Variants in PCDHGA4 observed in about 807,000 individuals in gnomAD.
The protein encoded by PCDHGA4 is protocadherin gamma subfamily A, 4, also known as protocadherin gamma-A4.
PCDHGA4 carries 38 observed loss-of-function variants against 54.6 expected under a neutral mutation model. The ratio of observed to expected loss-of-function variants is 0.70; its 90% CI spans 0.54 to 0.91. PCDHGA4 has a LOEUF of 0.91. PCDHGA4 is among the 40% of genes least tolerant of loss of function. The pLI is 0.00. For missense variants in PCDHGA4, 1,298 were observed against 1,220.9 expected (o/e 1.06, Z -0.94); for synonymous variants, 511 against 512.9 (o/e 1.00, Z 0.05).
At chr5:141,463,460 T>TTC (rs573961569) in intron 1 of PCDHGA4, among the ~76,000 whole-genome samples, 28 of 136,126 alleles carry the variant, frequency 2.1e-4, no homozygotes, top group Admixed American at 4.4e-4. Context: ...TTTTTTTTTT[T>TTC]TTTTTTGAGA....
Position 141,431,518 on chromosome 5 carries a change from G to T in PCDHGA4, c.2515-63289G>T. 6.2e-7 allele frequency: 1 copy of T among 1,614,090 alleles called. No individual in the cohort carries two copies. Among genetic ancestry groups the T allele is most frequent in the Non-Finnish European group, 8.5e-7 (1 of 1,180,038 alleles). ...CCGAGTACCGCGCGAGCGTTCCGGA[G>T]AATCTGGCCTTGGGCACGCAGCTGC... On this transcript the variant is annotated intron_variant, in intron 1 of 3. Coordinates refer to ENST00000571252, the MANE Select transcript of PCDHGA4 (RefSeq NM_018917.4). The surrounding 1 kb of genome is among the most constrained non-coding windows in gnomAD (Gnocchi z 4.8).
intron 1 of PCDHGA4, among the ~76,000 whole-genome samples, chr5:141,425,025 T>C (rs1416166875): frequency 1.3e-5 from 2 of 152,236 alleles, no homozygotes; most frequent in Non-Finnish European, 2.9e-5. Flanking sequence ...ATTTACCTTA[T>C]GTCATTAGTT....
rs530261329 is a variant in PCDHGA4, at chr5:141,440,076, A to G, written c.2515-54731A>G. 2.4e-4 allele frequency: 37 copies of G among 152,560 alleles called. No individual in the cohort carries two copies. In the South Asian group the frequency reaches 3.7e-3, roughly 15 times the overall value. The allele number at this position is 152,560 out of a possible 1,614,324, so 9.5% of individuals were successfully genotyped here. On this transcript the variant is annotated intron_variant, in intron 1 of 3. Coordinates refer to ENST00000571252, the MANE Select transcript of PCDHGA4 (RefSeq NM_018917.4). Reference sequence around the variant, plus strand: ...CTTCGGGTTAATGCTGAGGAATAATACTTCATTCTAAGTGGGGAAAGTGGA... The same window carrying G: ...CTTCGGGTTAATGCTGAGGAATAATGCTTCATTCTAAGTGGGGAAAGTGGA...
chr5:141,410,206 G>T (rs774541712), intron 1 of PCDHGA4: 2 of 1,614,026 alleles, frequency 1.2e-6, no homozygotes, highest in South Asian at 1.1e-5. Context: ...CAGACAACTT[G>T]CAAGAGATAC....
In PCDHGA4 at chr5:141,432,212, G is replaced by T. The variant is rs2097468822; in HGVS notation, c.2515-62595G>T. 8 of 1,614,184 alleles carry T rather than the reference G, an allele frequency of 5.0e-6. No homozygotes were observed. In the East Asian group the frequency reaches 1.3e-4, roughly 27 times the overall value. ...CCACGACCCCGACTGTGAAGAGAAC[G>T]CCCAGATCACTTATTCCCTGGCTGA... On this transcript the variant is annotated intron_variant, in intron 1 of 3. Transcript: ENST00000571252. The surrounding 1 kb of genome is among the most constrained non-coding windows in gnomAD (Gnocchi z 6.0).
chr5:141,377,664 C>G (rs1042522537), intron 1 of PCDHGA4: 2 of 151,600 alleles, frequency 1.3e-5, no homozygotes, highest in African/African-American at 2.4e-5. Context: ...AAACGACAGA[C>G]GTTCATACAA....
rs539727453 is a variant in PCDHGA4 at position 141,487,510 on chromosome 5, C to G, written c.2515-7297C>G. ...GCTGTACACCCTTGGCTTCTGCACC[C>G]ACTCGGAGTGATAGCTTCATGATGG... On this transcript the variant is annotated intron_variant, in intron 1 of 3. Coordinates refer to ENST00000571252, the MANE Select transcript of PCDHGA4 (RefSeq NM_018917.4). This position sits in a 1 kb window ranked among gnomAD's most constrained non-coding sequence, Gnocchi z 5.0. The G allele has an allele frequency of 2.5e-6, 4 of 1,614,210 alleles. No homozygotes were observed. The highest frequency in any genetic ancestry group is 2.2e-5 in the East Asian group (1 of 44,860).
chr5:141,449,067 T>A lies in PCDHGA4; in HGVS notation c.2515-45740T>A, dbSNP rs547833131. On this transcript the variant is annotated intron_variant, in intron 1 of 3. Transcript: ENST00000571252. ...AGTCTCATAAATGAGCGCTATTGAA[T>A]AGCCCTGTACCTACATCAGTTTTTA... Among the ~76,000 whole-genome samples the A allele has an allele frequency of 3.3e-5, 5 of 152,342 alleles. No homozygotes were observed. In the East Asian group the frequency reaches 9.6e-4, roughly 29 times the overall value.
intron 1 of PCDHGA4, among the ~76,000 whole-genome samples, chr5:141,474,142 T>G (rs2099344082): frequency 6.6e-6 from 1 of 152,212 alleles, no homozygotes; most frequent in African/African-American, 2.4e-5. Flanking sequence ...ACAGGCCTTA[T>G]TATCAAGAAA....
intron 1 of PCDHGA4, chr5:141,408,156 T>C: frequency 6.6e-7 from 1 of 1,512,436 alleles, no homozygotes; most frequent in Non-Finnish European, 8.9e-7. Context: ...TAGAGTGCAC[T>C]TTCTCCAACT....
In PCDHGA4 at chr5:141,489,652, C is replaced by A. The variant is rs767143028; in HGVS notation, c.2515-5155C>A. On this transcript the variant is annotated intron_variant, in intron 1 of 3. Transcript: ENST00000571252. The surrounding 1 kb of genome is among the most constrained non-coding windows in gnomAD (Gnocchi z 4.5). ...CTCTCCTAGCTTTGCCACCCCTGAG[C>A]GAGAGATGCGCATCTCAGAATCAGC... 34 of 1,614,024 alleles carry A rather than the reference C, an allele frequency of 2.1e-5. No homozygotes were observed. The Middle Eastern group carries it at 6.6e-4, about 31-fold the overall frequency.
intron 1 of PCDHGA4, among the ~76,000 whole-genome samples, chr5:141,492,530 C>A (rs1595123138): frequency 1.3e-5 from 2 of 152,246 alleles, no homozygotes; most frequent in South Asian, 2.1e-4. Flanking sequence ...CCCACCTGCG[C>A]CCCGGGCTGG....
At chr5:141,381,826 CTT>C (rs770630741) in intron 1 of PCDHGA4, among the ~76,000 whole-genome samples, 2,382 of 74,222 alleles carry the variant, frequency 0.032, 21 homozygotes, top group African/African-American at 0.07. Context: ...CTTTCTTCTT[CTT>C]TTTTTTTTTT....
In PCDHGA4 at chr5:141,364,854, A is replaced by G. The variant is rs142073719; in HGVS notation, c.2514+7233A>G. The G allele has an allele frequency of 1.4e-3, 2,225 of 1,614,018 alleles. 3 individuals carry two copies. Among genetic ancestry groups the G allele is most frequent in the Non-Finnish European group, 1.7e-3 (2,042 of 1,179,888 alleles). ...CTCCGGAGTTACCAGCTCAGCTCCA[A>G]TCTGCACTTCTCTCTGGATGTGGTA... On this transcript the variant is annotated intron_variant, in intron 1 of 3. Transcript: ENST00000571252.
At chr5:141,429,726 C>T (rs931967000) in intron 1 of PCDHGA4, among the ~76,000 whole-genome samples, 23 of 152,068 alleles carry the variant, frequency 1.5e-4, no homozygotes, top group Admixed American at 1.3e-4. Flanking sequence ...CATGAAAGTA[C>T]GTAGCCAGTT....
intron 1 of PCDHGA4, chr5:141,423,081 C>A: frequency 6.2e-7 from 1 of 1,614,084 alleles, no homozygotes; most frequent in South Asian, 1.1e-5. Context: ...CGGGACTCTT[C>A]GCGGTGGGGG....
At position 141,436,706 on chromosome 5, in the gene PCDHGA4, A is replaced by G. The variant is rs149478256; in HGVS notation, c.2515-58101A>G. 3.9e-3 allele frequency among the ~76,000 whole-genome samples: 587 copies of G among 152,318 alleles called. 6 individuals are homozygous for G. Among genetic ancestry groups the G allele is most frequent in the Admixed American group, 0.011 (169 of 15,304 alleles). On this transcript the variant is annotated intron_variant, in intron 1 of 3. Transcript: ENST00000571252. ...TATATTTTCAATGCCAGCACACTCG[A>G]TGTTCTGTTGGGAAAAATAATAATG...
At position 141,384,635 on chromosome 5, in the gene PCDHGA4, C is replaced by G. The variant is rs752480661; in HGVS notation, c.2514+27014C>G. On this transcript the variant is annotated intron_variant, in intron 1 of 3. Coordinates refer to ENST00000571252, the MANE Select transcript of PCDHGA4 (RefSeq NM_018917.4). The stretch of plus-strand genomic sequence containing the variant: ...GGTTCTACTGGCATGGAGCTGGCAC[C>G]CCGCTCCGCAGAGCCCGGCTACCTG... The G allele has an allele frequency of 1.9e-6, 3 of 1,614,214 alleles. No individual in the cohort carries two copies. The East Asian group carries it at 6.7e-5, about 36-fold the overall frequency.
intron 1 of PCDHGA4, chr5:141,365,864 G>C (rs753111294): frequency 2.0e-5 from 32 of 1,613,886 alleles, no homozygotes; most frequent in Non-Finnish European, 8.5e-7. Context: ...CTCTGACACC[G>C]GTGTCCTGTA....
Sources: gnomAD v4.1 joint callset for allele counts (sites outside exome capture counted in the v4.1 genomes callset) on GRCh38, gnomAD v4.1.1 for gene constraint, Gnocchi (gnomAD v3.1) non-coding constraint, MANE v1.5 for transcripts, NCBI Gene and HGNC (gene_info 2026-07-23, HGNC 2026-07-21) for gene names.